Variants in PCDH15 observed in about 807,000 individuals in gnomAD.
The protein encoded by PCDH15 is protocadherin related 15.
PCDH15 carries 129 observed loss-of-function variants against 178.5 expected under a neutral mutation model. That is an observed-to-expected ratio of 0.72 (90% confidence interval 0.63 to 0.84). The LOEUF is 0.84. Among genes scored for constraint, PCDH15 ranks in the 40% least tolerant of loss-of-function variants. The probability of loss-of-function intolerance (pLI) is 0.00; values close to 1 mark genes in which losing one functional copy is unlikely to be tolerated. For missense variants in PCDH15, 2,230 were observed against 2,099.9 expected (o/e 1.06, Z -1.21); for synonymous variants, 800 against 732.0 (o/e 1.09, Z -1.50).
chr10:55,242,845 A>AAAACAAAC (rs755202098), intron 1 of PCDH15, among the ~76,000 whole-genome samples: 2 of 152,144 alleles, frequency 1.3e-5, no homozygotes, highest in African/African-American at 4.8e-5. Flanking sequence ...GTCTCAAAAC[A>AAAACAAAC]AAACAAACAA....
chr10:55,125,634 G>A (rs894832016), intron 2 of PCDH15, among the ~76,000 whole-genome samples: 4 of 151,974 alleles, frequency 2.6e-5, no homozygotes, highest in South Asian at 2.1e-4. Context: ...TATCCATTAC[G>A]AGAGAAAAAA....
chr10:55,584,414 G>A (rs1295407870), intron 2 of PCDH15, among the ~76,000 whole-genome samples: 3 of 151,048 alleles, frequency 2.0e-5, no homozygotes, highest in Non-Finnish European at 4.4e-5. Flanking sequence ...ATCCCAGCAC[G>A]TTGAGAGACC....
chr10:54,005,048 G>C (rs1257990122), intron 20 of PCDH15, among the ~76,000 whole-genome samples: 1 of 151,756 alleles, frequency 6.6e-6, no homozygotes, highest in African/African-American at 2.4e-5. Flanking sequence ...AAAAGTGCCA[G>C]GAATGTAACC....
chr10:54,897,682 T>C (rs1954568072), intron 2 of PCDH15, among the ~76,000 whole-genome samples: 2 of 152,188 alleles, frequency 1.3e-5, no homozygotes, highest in African/African-American at 2.4e-5. Flanking sequence ...ATGTAATATA[T>C]GTGTGTACCA....
intron 2 of PCDH15, among the ~76,000 whole-genome samples, chr10:55,028,757 TC>T (rs1840537733): frequency 6.6e-6 from 1 of 152,034 alleles, no homozygotes; most frequent in East Asian, 1.9e-4. Context: ...ATACAAATTT[TC>T]AGCCTGTTTT....
intron 2 of PCDH15, among the ~76,000 whole-genome samples, chr10:54,997,767 G>A (rs949115355): frequency 2.0e-5 from 3 of 152,054 alleles, no homozygotes; most frequent in African/African-American, 4.8e-5. Context: ...TAATACTTCA[G>A]TTCTTATAAG....
At chr10:54,235,648 T>C (rs2054554024) in intron 9 of PCDH15, among the ~76,000 whole-genome samples, 1 of 152,190 alleles carries the variant, frequency 6.6e-6, no homozygotes, top group South Asian at 2.1e-4. Flanking sequence ...TTAAATATTG[T>C]ATTTTAATTT....
intron 26 of PCDH15, among the ~76,000 whole-genome samples, chr10:53,882,949 C>T (rs1325315824): frequency 6.6e-6 from 1 of 151,924 alleles, no homozygotes; most frequent in Non-Finnish European, 1.5e-5. Context: ...TGCAAATGGA[C>T]CAAGGAATAC....
chr10:55,539,719 CTA>C (rs1401734491), intron 2 of PCDH15, among the ~76,000 whole-genome samples: 24 of 152,084 alleles, frequency 1.6e-4, no homozygotes, highest in African/African-American at 5.5e-4. Flanking sequence ...AGTTTTCACA[CTA>C]TATATCGTGA....
chr10:54,560,787 G>A (rs2088034846), intron 2 of PCDH15, among the ~76,000 whole-genome samples: 1 of 151,980 alleles, frequency 6.6e-6, no homozygotes, highest in African/African-American at 2.4e-5. Flanking sequence ...TAAATGTTAG[G>A]ATATAATGAA....
intron 28 of PCDH15, among the ~76,000 whole-genome samples, chr10:53,843,163 A>AT (rs900911644): frequency 6.6e-6 from 1 of 152,112 alleles, no homozygotes; most frequent in Non-Finnish European, 1.5e-5. Flanking sequence ...CACTTTGAGC[A>AT]TTTTTTTGTT....
At chr10:55,336,858 C>A (rs11004818) in intron 2 of PCDH15, among the ~76,000 whole-genome samples, 39,263 of 152,102 alleles carry the variant, frequency 0.26, 6,216 homozygotes, top group Admixed American at 0.36. Flanking sequence ...AGGCTTTTCT[C>A]TTGTTAATCT....
intron 2 of PCDH15, among the ~76,000 whole-genome samples, chr10:55,491,015 A>T (rs1840400792): frequency 6.6e-6 from 1 of 151,798 alleles, no homozygotes; most frequent in Non-Finnish European, 1.5e-5. Context: ...ATTATGTAAA[A>T]TGTCTGGAAA....
chr10:55,205,685 T>C (rs945033321), intron 1 of PCDH15, among the ~76,000 whole-genome samples: 1 of 152,062 alleles, frequency 6.6e-6, no homozygotes, highest in Middle Eastern at 3.2e-3. Flanking sequence ...TCCTGTTTAA[T>C]TGCTTACCAC....
At chr10:54,812,216 T>G (rs2133730143) in intron 3 of PCDH15, among the ~76,000 whole-genome samples, 1 of 151,058 alleles carries the variant, frequency 6.6e-6, no homozygotes, top group Admixed American at 6.6e-5. Context: ...AAACAAAAAG[T>G]AAACAAACAC....
In PCDH15 at chr10:54,522,928, G is replaced by A. The variant is rs150815432; in HGVS notation, c.157+4884C>T. On this transcript the variant is annotated intron_variant, in intron 3 of 37. Transcript: ENST00000644397. ...AATTTTAATACTAAACTTTGACTAG[G>A]AACTATTGTCTTTCTTACTCAAAAC... Among the ~76,000 whole-genome samples, 1,397 of 152,200 alleles carry A rather than the reference G, an allele frequency of 9.2e-3. 14 individuals are homozygous for A. Among genetic ancestry groups the A allele is most frequent in the Non-Finnish European group, 0.014 (984 of 67,990 alleles).
chr10:53,945,004 A>C (rs1589553495), intron 23 of PCDH15, among the ~76,000 whole-genome samples: 1 of 152,238 alleles, frequency 6.6e-6, no homozygotes, highest in African/African-American at 2.4e-5. Context: ...ACAGGCTTTG[A>C]CTAAAATTCC....
chr10:55,093,925 C>A (rs1230349339), intron 2 of PCDH15, among the ~76,000 whole-genome samples: 4 of 152,070 alleles, frequency 2.6e-5, no homozygotes, highest in African/African-American at 4.8e-5. Flanking sequence ...GAAATAGGAA[C>A]ACTTTTACAC....
chr10:55,105,242 AT>A lies in PCDH15; in HGVS notation c.-80+61333del, dbSNP rs781327410. Among the ~76,000 whole-genome samples the A allele has an allele frequency of 1.4e-3, 209 of 152,200 alleles. 1 individual carries two copies. Among genetic ancestry groups the A allele is most frequent in the Non-Finnish European group, 2.2e-3 (150 of 68,006 alleles). On this transcript the variant is annotated intron_variant, in intron 2 of 5. Transcript: ENST00000458638. ...CATTTTATGCATTCATGACATGCCA[AT>A]TTTTTTCTTATTTTTTAAAATATTT...
Sources: gnomAD v4.1 joint callset for allele counts (sites outside exome capture counted in the v4.1 genomes callset) on GRCh38, gnomAD v4.1.1 for gene constraint, MANE v1.5 for transcripts, NCBI Gene and HGNC (gene_info 2026-07-23, HGNC 2026-07-21) for gene names.